RIMKLA: variants seen among roughly 807,000 people sequenced by gnomAD.
RIMKLA encodes N-acetylaspartylglutamate synthase A.
RIMKLA carries 14 observed loss-of-function variants against 32.7 expected under a neutral mutation model. The ratio of observed to expected loss-of-function variants is 0.43; its 90% confidence interval spans 0.28 to 0.67. The LOEUF (loss-of-function observed/expected upper bound fraction) is 0.67, where lower values mean the gene tolerates loss of function less well. Ranked by LOEUF, RIMKLA falls within the 30% of genes least tolerant of loss-of-function variation. RIMKLA has a pLI of 0.18. For synonymous variants in RIMKLA, 176 were observed against 204.1 expected (o/e 0.86, Z 1.18); for missense variants, 410 against 519.0 (o/e 0.79, Z 2.04).
chr1:42,385,750 TC>T (rs1266997290), intron 1 of RIMKLA, among the ~76,000 whole-genome samples: 4 of 132,342 alleles, frequency 3.0e-5, no homozygotes, highest in Non-Finnish European at 4.7e-5. Context: ...TTTCTTTCTT[TC>T]TTTCTTTCTT....
intron 1 of RIMKLA, 122 bp from the exon 2 acceptor site, chr1:42,399,282 A>G (rs1643074426): frequency 1.5e-6 from 1 of 683,788 alleles, no homozygotes; most frequent in African/African-American, 1.8e-5. Context: ...CAGGATGTCC[A>G]GGGGGCCAAT....
At chr1:42,395,086 CT>C (rs891705366) in intron 1 of RIMKLA, among the ~76,000 whole-genome samples, 4 of 152,196 alleles carry the variant, frequency 2.6e-5, no homozygotes, top group Non-Finnish European at 4.4e-5. Flanking sequence ...AAAACAGACT[CT>C]GTTCTTTGGG....
At chr1:42,381,628 A>C (rs982665285) in intron 1 of RIMKLA, among the ~76,000 whole-genome samples, 2 of 152,140 alleles carry the variant, frequency 1.3e-5, no homozygotes, top group African/African-American at 4.8e-5. Flanking sequence ...TCACTTCTCG[A>C]GTGTAAAGTG....
intron 3 of RIMKLA, among the ~76,000 whole-genome samples, chr1:42,405,523 G>A (rs1413025164): frequency 6.6e-6 from 1 of 152,146 alleles, no homozygotes; most frequent in Non-Finnish European, 1.5e-5. Context: ...AACACTCCAG[G>A]CATCTGGAGT....
Position 42,417,619 on chromosome 1 carries a change from C to T in RIMKLA, c.*2645C>T, listed in dbSNP as rs1643260479. 6.6e-6 allele frequency: 1 copy of T among 152,174 alleles called. No individual in the cohort carries two copies. Among genetic ancestry groups the T allele is most frequent in the African/African-American group, 2.4e-5 (1 of 41,410 alleles). 9.4% of individuals were successfully genotyped at this position (152,174 alleles called of 1,614,324 possible). A position where few individuals can be genotyped will look rare whatever the true frequency, so the allele number is the denominator to read the frequency against. On this transcript the variant is annotated 3_prime_UTR_variant, in exon 5 of 5. Coordinates refer to ENST00000431473, the MANE Select transcript of RIMKLA (RefSeq NM_173642.4). Reference sequence around the variant, plus strand: ...TGCATGTAAATTAATGGTAGTAGAGCACCTCCCACATCTGATTTTATAACA... The same window carrying T: ...TGCATGTAAATTAATGGTAGTAGAGTACCTCCCACATCTGATTTTATAACA...
rs1337399668 is a variant in RIMKLA at position 42,421,589 on chromosome 1, T to C, written c.*6615T>C. On this transcript the variant is annotated 3_prime_UTR_variant, in exon 5 of 5. Coordinates refer to ENST00000431473, the MANE Select transcript of RIMKLA (RefSeq NM_173642.4). The surrounding 1 kb of genome is among the most constrained non-coding windows in gnomAD (Gnocchi z 4.6). ...GCAAGGGGAGAGCTGGGGCCCTTAATCATTCTGCAGAGCTGATAACGGTCA... is the reference window on the plus strand; with the variant it reads ...GCAAGGGGAGAGCTGGGGCCCTTAACCATTCTGCAGAGCTGATAACGGTCA... 6.6e-6 allele frequency: 1 copy of C among 152,352 alleles called. No homozygotes were observed. The highest frequency in any genetic ancestry group is 1.5e-5 in the Non-Finnish European group (1 of 68,164). The allele number at this position is 152,352 out of a possible 1,614,324, so 9.4% of individuals were successfully genotyped here. A position where few individuals can be genotyped will look rare whatever the true frequency, so the allele number is the denominator to read the frequency against.
Position 42,381,070 on chromosome 1 carries a change from G to A in RIMKLA, c.136G>A (p.Ala46Thr). 2.3e-6 allele frequency: 3 copies of A among 1,291,158 alleles called. No homozygotes were observed. The highest frequency in any genetic ancestry group is 2.3e-5 in the South Asian group (1 of 43,778). The allele number at this position is 1,291,158 out of a possible 1,614,324, so 80.0% of individuals were successfully genotyped here. Residue 46 changes from alanine to threonine, a missense_variant, in exon 1 of 5, where the codon GCC becomes ACC. Physicochemically the swap from Ala to Thr is moderately conservative, Grantham distance 58. Transcript: ENST00000431473. The stretch of plus-strand genomic sequence containing the variant: ...CCGGGCGGTGCTTATGGACCAGATC[G>A]CCGTCACCATCGTCGGCGGCCACCT... ...RFRAVLMDQIAVTIVGGHLGL... is the reference protein window; with the variant it reads ...RFRAVLMDQITVTIVGGHLGL...
At chr1:42,381,180 C>G (rs1013606384) in intron 1 of RIMKLA, 83 bp downstream of exon 1, 16 of 1,084,826 alleles carry the variant, frequency 1.5e-5, no homozygotes, top group Non-Finnish European at 1.9e-5. Flanking sequence ...CGCCGGGCCT[C>G]CCGCAGCAGA....
chr1:42,389,085 A>G (rs747972179), intron 1 of RIMKLA, among the ~76,000 whole-genome samples: 22 of 152,222 alleles, frequency 1.4e-4, no homozygotes, highest in Non-Finnish European at 2.8e-4. Flanking sequence ...TGTTCAGGAA[A>G]GACTAGTCAA....
intron 2 of RIMKLA, among the ~76,000 whole-genome samples, chr1:42,399,997 G>A (rs138229090): frequency 2.6e-4 from 39 of 152,260 alleles, no homozygotes; most frequent in Middle Eastern, 6.8e-3. Flanking sequence ...AGTGCAGAGC[G>A]GTGCAGGAGT....
At chr1:42,385,834 T>TCCTTCCTC (rs1553175494) in intron 1 of RIMKLA, among the ~76,000 whole-genome samples, 3 of 75,590 alleles carry the variant, frequency 4.0e-5, no homozygotes, top group Admixed American at 2.6e-4. Flanking sequence ...CTTCCTTTCT[T>TCCTTCCTC]TCTTTCTTTC....
At chr1:42,402,591 CTTTTTTT>C (rs34477169) in intron 2 of RIMKLA, among the ~76,000 whole-genome samples, 1 of 142,666 alleles carries the variant, frequency 7.0e-6, no homozygotes, top group Non-Finnish European at 1.5e-5. Context: ...ACCTGGCTAA[CTTTTTTT>C]TTTTTTTTTT....
chr1:42,403,155 T>C (rs1643115132), intron 2 of RIMKLA, among the ~76,000 whole-genome samples: 2 of 151,842 alleles, frequency 1.3e-5, no homozygotes, highest in South Asian at 4.2e-4. Context: ...TCTTACTTAA[T>C]GAATGGGAAA....
At chr1:42,386,916 T>TA (rs1266634051) in intron 1 of RIMKLA, among the ~76,000 whole-genome samples, 2 of 136,308 alleles carry the variant, frequency 1.5e-5, no homozygotes, top group Admixed American at 1.5e-4. Flanking sequence ...AATAAATAAA[T>TA]ATTAGCCAGG....
intron 1 of RIMKLA, among the ~76,000 whole-genome samples, chr1:42,394,686 A>G (rs1412182537): frequency 6.6e-6 from 1 of 152,216 alleles, no homozygotes; most frequent in East Asian, 1.9e-4. Context: ...TCTTTATCAT[A>G]AAGTGTATTT....
At chr1:42,395,481 G>T (rs529060567) in intron 1 of RIMKLA, among the ~76,000 whole-genome samples, 1 of 151,994 alleles carries the variant, frequency 6.6e-6, no homozygotes, top group South Asian at 2.1e-4. Flanking sequence ...CCCAAGTTAG[G>T]GTGATACCCA....
At chr1:42,407,155 C>T (rs947850063) in intron 3 of RIMKLA, among the ~76,000 whole-genome samples, 3 of 152,156 alleles carry the variant, frequency 2.0e-5, no homozygotes, top group Non-Finnish European at 4.4e-5. Context: ...ATCCACCCAC[C>T]GCAGCCTCCC....
intron 2 of RIMKLA, among the ~76,000 whole-genome samples, chr1:42,404,243 G>GA (rs1336112707): frequency 6.6e-6 from 1 of 152,202 alleles, no homozygotes; most frequent in African/African-American, 2.4e-5. Flanking sequence ...ATTGTAAAGG[G>GA]AAAGGTATCT....
Position 42,420,141 on chromosome 1 carries a change from T to C in RIMKLA, c.*5167T>C, listed in dbSNP as rs1643282834. Reference sequence around the variant, plus strand: ...ATCCAGAGAGGTCTGATAACTGGGCTCTGTTTCTGAACCTCTAGATTTCTG... The same window carrying C: ...ATCCAGAGAGGTCTGATAACTGGGCCCTGTTTCTGAACCTCTAGATTTCTG... On this transcript the variant is annotated 3_prime_UTR_variant, in exon 5 of 5. Coordinates refer to ENST00000431473, the MANE Select transcript of RIMKLA (RefSeq NM_173642.4). The C allele has an allele frequency of 6.6e-6, 1 of 152,224 alleles. No homozygotes were observed. Among genetic ancestry groups the C allele is most frequent in the Non-Finnish European group, 1.5e-5 (1 of 68,052 alleles). The allele number at this position is 152,224 out of a possible 1,614,324, so 9.4% of individuals were successfully genotyped here.
Sources: gnomAD v4.1 joint callset for allele counts (sites outside exome capture counted in the v4.1 genomes callset) on GRCh38, gnomAD v4.1.1 for gene constraint, Gnocchi (gnomAD v3.1) non-coding constraint, MANE v1.5 for transcripts, NCBI Gene and HGNC (gene_info 2026-07-23, HGNC 2026-07-21) for gene names.